The following TFCP2L1 variants were observed in gnomAD, a reference collection of about 807,000 sequenced individuals.
TFCP2L1 encodes transcription factor CP2 like 1, also known as transcription factor CP2-like protein 1.
A neutral mutation model predicts 72.2 loss-of-function variants in TFCP2L1; 12 were observed. That is an observed-to-expected ratio of 0.17 (90% CI 0.11 to 0.27). The LOEUF (loss-of-function observed/expected upper bound fraction) is 0.27. TFCP2L1 is among the 10% of genes least tolerant of loss of function. The pLI is 1.00. For missense variants in TFCP2L1, 488 were observed against 624.6 expected, an observed-to-expected ratio of 0.78 and a Z score of 2.33; for synonymous variants, 260 against 251.0, an observed-to-expected ratio of 1.04 and a Z score of -0.34.
intron 6 of TFCP2L1, among the ~76,000 whole-genome samples, chr2:121,245,875 C>T (rs1405958494): frequency 1.3e-5 from 2 of 152,218 alleles, no homozygotes; most frequent in Non-Finnish European, 2.9e-5. Context: ...AAGATCAGCA[C>T]ACACCCAGCT....
chr2:121,224,287 C>A lies in TFCP2L1; in HGVS notation c.*54G>T. On this transcript the variant is annotated 3_prime_UTR_variant, in exon 15 of 15. Coordinates refer to ENST00000263707, the MANE Select transcript of TFCP2L1 (RefSeq NM_014553.3). ...GCTTACAGTGGGGCAATGTCTACAT[C>A]CACGGGGATCCACAGGGCTGGGAGC... 3.1e-6 allele frequency: 5 copies of A among 1,605,930 alleles called. No homozygotes were observed. Among genetic ancestry groups the A allele is most frequent in the Non-Finnish European group, 4.3e-6 (5 of 1,174,412 alleles).
intron 13 of TFCP2L1, among the ~76,000 whole-genome samples, chr2:121,228,694 A>T (rs1377560616): frequency 7.2e-6 from 1 of 138,124 alleles, no homozygotes; most frequent in Non-Finnish European, 1.5e-5. Context: ...TGAGCCCAGG[A>T]GGTCGAGGCT....
intron 8 of TFCP2L1, among the ~76,000 whole-genome samples, chr2:121,238,385 C>T (rs2580351): frequency 0.65 from 98,197 of 152,000 alleles, 32,416 homozygotes; most frequent in East Asian, 0.77. Flanking sequence ...CTGTTCTGTT[C>T]TCTCCCGAGA....
At chr2:121,249,806 T>C (rs1686568643) in intron 2 of TFCP2L1, among the ~76,000 whole-genome samples, 159 bp from the exon 3 acceptor site, 1 of 152,346 alleles carries the variant, frequency 6.6e-6, no homozygotes, top group Middle Eastern at 3.4e-3. Context: ...CAGCTCACTC[T>C]CTGGACTGAC....
chr2:121,265,318 C>A (rs2713204), intron 2 of TFCP2L1, among the ~76,000 whole-genome samples: 2 of 151,922 alleles, frequency 1.3e-5, no homozygotes, highest in African/African-American at 4.8e-5. Context: ...GCGGGGGAAA[C>A]GAGAATGGGG....
At chr2:121,251,958 A>T (rs1237063521) in intron 2 of TFCP2L1, among the ~76,000 whole-genome samples, 2 of 152,220 alleles carry the variant, frequency 1.3e-5, no homozygotes, top group African/African-American at 4.8e-5. Context: ...ATGTAAAAAC[A>T]CTTAATACAA....
rs972639980 is a variant in TFCP2L1, at chr2:121,222,557, C to T, written c.*1784G>A. ...GAAGCCAGTCACAAAAGAGATATCA[C>T]ATGATTCCAGATATATGAAATGTCC... On this transcript the variant is annotated 3_prime_UTR_variant, in exon 15 of 15. Coordinates refer to ENST00000263707, the MANE Select transcript of TFCP2L1 (RefSeq NM_014553.3). 2 of 152,222 alleles carry T rather than the reference C, an allele frequency of 1.3e-5. No individual in the cohort carries two copies. Among genetic ancestry groups the T allele is most frequent in the African/African-American group, 4.8e-5 (2 of 41,448 alleles). The allele number at this position is 152,222 out of a possible 1,614,324, so 9.4% of individuals were successfully genotyped here. A position where few individuals can be genotyped will look rare whatever the true frequency, so the allele number is the denominator to read the frequency against.
chr2:121,256,746 A>G (rs192323469), intron 2 of TFCP2L1, among the ~76,000 whole-genome samples: 136 of 151,936 alleles, frequency 9.0e-4, no homozygotes, highest in African/African-American at 3.1e-3. Flanking sequence ...ATTGCACTCC[A>G]GCTGGGGCGA....
chr2:121,246,133 G>C (rs1686476005), intron 6 of TFCP2L1, among the ~76,000 whole-genome samples: 1 of 152,190 alleles, frequency 6.6e-6, no homozygotes, highest in Non-Finnish European at 1.5e-5. Context: ...GGGCCTGCTT[G>C]GACATGGATT....
chr2:121,255,745 AT>A (rs67001640), intron 2 of TFCP2L1, among the ~76,000 whole-genome samples: 2,651 of 141,296 alleles, frequency 0.019, 53 homozygotes, highest in African/African-American at 0.06. Context: ...CCCTGAACTT[AT>A]TTTTTTTTTT....
chr2:121,234,876 C>A (rs117961140), intron 11 of TFCP2L1, among the ~76,000 whole-genome samples: 2 of 152,194 alleles, frequency 1.3e-5, no homozygotes, highest in Non-Finnish European at 2.9e-5. Context: ...CTCCCCTCAG[C>A]GGGGGAGCAG....
chr2:121,279,457 C>T (rs1001404319), intron 2 of TFCP2L1, among the ~76,000 whole-genome samples: 2 of 152,290 alleles, frequency 1.3e-5, no homozygotes, highest in South Asian at 4.1e-4. Flanking sequence ...TGAGGGAGCT[C>T]GGCTGAGCAA....
chr2:121,272,665 T>C (rs1486531541), intron 2 of TFCP2L1, among the ~76,000 whole-genome samples: 3 of 152,212 alleles, frequency 2.0e-5, no homozygotes, highest in Middle Eastern at 6.3e-3. Context: ...CCTTGTTAAC[T>C]TCCAAAACAG....
intron 12 of TFCP2L1, among the ~76,000 whole-genome samples, chr2:121,232,359 A>T (rs564998544): frequency 1.3e-5 from 2 of 151,998 alleles, no homozygotes; most frequent in African/African-American, 4.8e-5. Flanking sequence ...GGCTGGTCTC[A>T]AACTCCTGAC....
intron 8 of TFCP2L1, among the ~76,000 whole-genome samples, chr2:121,239,191 G>A (rs1234290572): frequency 1.3e-5 from 2 of 152,128 alleles, no homozygotes; most frequent in East Asian, 3.9e-4. Context: ...CACACTCAGT[G>A]ACCATGCTGG....
At chr2:121,243,832 G>A (rs909945908) in intron 6 of TFCP2L1, among the ~76,000 whole-genome samples, 3 of 152,042 alleles carry the variant, frequency 2.0e-5, no homozygotes, top group Admixed American at 6.6e-5. Context: ...TATATATTAC[G>A]ATATAATAAT....
intron 6 of TFCP2L1, among the ~76,000 whole-genome samples, chr2:121,243,660 A>C (rs1336960631): frequency 6.6e-6 from 1 of 152,052 alleles, no homozygotes; most frequent in Non-Finnish European, 1.5e-5. Context: ...TGAATTGCAC[A>C]TGCAAGGGAT....
At chr2:121,239,751 C>G in intron 7 of TFCP2L1, 102 bp from the exon 8 acceptor site, 3 of 1,166,980 alleles carry the variant, frequency 2.6e-6, no homozygotes, top group Non-Finnish European at 3.6e-6. Context: ...TGCATGAGAC[C>G]CCCACCTGTG....
At position 121,285,085 on chromosome 2, in the gene TFCP2L1, C is replaced by G; in HGVS notation, c.25G>C (p.Glu9Gln). 2 of 1,524,786 alleles carry G rather than the reference C, an allele frequency of 1.3e-6. No homozygotes were observed. The highest frequency in any genetic ancestry group is 2.1e-5 in the Admixed American group (1 of 47,384). The allele number at this position is 1,524,786 out of a possible 1,614,324, so 94.5% of individuals were successfully genotyped here. A position where few individuals can be genotyped will look rare whatever the true frequency, so the allele number is the denominator to read the frequency against. ...CCGGAGTTGTGCTGGTTGTAGTGCT[C>G]GGGCTGCGTGTGCCAGAAGAGCATG... is the stretch of plus-strand genomic sequence containing the variant. Reference protein sequence around the residue: MLFWHTQPEHYNQHNSGSY... With the variant: MLFWHTQPQHYNQHNSGSY... The change falls in exon 1 of 15, where the codon GAG becomes CAG. Residue 9 changes from glutamate (E) to glutamine (Q), a missense_variant. Around this residue, in one of 3 missense-constraint regions of TFCP2L1, gnomAD observed 73 missense variants for 59.7 expected, o/e 1.22. Coordinates refer to ENST00000263707, the MANE Select transcript of TFCP2L1 (RefSeq NM_014553.3).
Sources: gnomAD v4.1 joint callset for allele counts (sites outside exome capture counted in the v4.1 genomes callset) on GRCh38, gnomAD v4.1.1 for gene constraint, gnomAD v4.1.1 regional missense constraint, MANE v1.5 for transcripts, NCBI Gene and HGNC (gene_info 2026-07-23, HGNC 2026-07-21) for gene names.